The following NMU variants were observed in gnomAD, a reference collection of about 807,000 sequenced individuals.
The protein encoded by NMU is neuromedin U, also known as neuromedin-U.
Under a neutral mutation model 35.4 loss-of-function variants are expected in NMU, and 29 were observed. The ratio of observed to expected loss-of-function variants is 0.82; its 90% CI spans 0.61 to 1.12. The LOEUF is 1.12. NMU is among the 50% of genes most tolerant of loss of function. NMU has a pLI of 0.00. For missense variants in NMU, 199 were observed against 206.2 expected, an observed-to-expected ratio of 0.97 and a Z score of 0.21; for synonymous variants, 78 against 81.3, an observed-to-expected ratio of 0.96 and a Z score of 0.22.
At chr4:55,625,944 C>G (rs1734510890) in intron 2 of NMU, among the ~76,000 whole-genome samples, 2 of 152,068 alleles carry the variant, frequency 1.3e-5, no homozygotes, top group Non-Finnish European at 2.9e-5. Context: ...TTTCCTTCCA[C>G]TACAAGCAAA....
At chr4:55,613,989 T>C (rs1018891944) in intron 3 of NMU, among the ~76,000 whole-genome samples, 4 of 152,224 alleles carry the variant, frequency 2.6e-5, no homozygotes, top group African/African-American at 9.7e-5. Flanking sequence ...TATTACTTAT[T>C]CTTGTGAAGG....
At chr4:55,628,558 G>T (rs760594231) in intron 2 of NMU, among the ~76,000 whole-genome samples, 10 of 151,980 alleles carry the variant, frequency 6.6e-5, no homozygotes, top group Non-Finnish European at 7.4e-5. Context: ...GAGTGCAGTG[G>T]TGCCATCTCG....
At chr4:55,600,186 A>C (rs1733364352) in intron 8 of NMU, among the ~76,000 whole-genome samples, 1 of 152,148 alleles carries the variant, frequency 6.6e-6, no homozygotes, top group Non-Finnish European at 1.5e-5. Context: ...CTGAGTCAAA[A>C]ATTTTGTAAA....
chr4:55,607,171 C>A, intron 6 of NMU, 127 bp downstream of exon 6: 4 of 648,500 alleles, frequency 6.2e-6, no homozygotes, highest in South Asian at 1.9e-5. Context: ...AATTTCATTC[C>A]TTTACTCACA....
chr4:55,605,306 T>A lies in NMU; in HGVS notation c.404A>T (p.His135Leu), dbSNP rs773179532. The A allele has an allele frequency of 6.2e-7, 1 of 1,613,782 alleles. No homozygotes were observed. Among genetic ancestry groups the A allele is most frequent in the South Asian group, 1.1e-5 (1 of 91,070 alleles). The part of the protein sequence containing the change: ...HPLLQLVPHL[H>L]ERRMKRFRVD... Reference sequence around the variant, plus strand: ...TCTGAATCTCTTCATTCTTCTCTCATGCAGGTGAGGAACGAGCTGCAGCAA... The same window carrying A: ...TCTGAATCTCTTCATTCTTCTCTCAAGCAGGTGAGGAACGAGCTGCAGCAA... Residue 135 changes from histidine to leucine, a missense_variant, in exon 7 of 10, where the codon CAT becomes CTT. Transcript: ENST00000264218.
At chr4:55,636,341 T>A, upstream of NMU, 1 of 1,192,052 alleles carries the variant, frequency 8.4e-7, no homozygotes, top group African/African-American at 1.6e-5. The surrounding 1 kb of genome is among the most constrained non-coding windows in gnomAD (Gnocchi z 4.0). Flanking sequence ...CGCGCACAAG[T>A]GGGCTGGGCT....
intron 3 of NMU, among the ~76,000 whole-genome samples, chr4:55,615,869 G>A (rs1428464056): frequency 6.6e-6 from 1 of 151,982 alleles, no homozygotes; most frequent in East Asian, 1.9e-4. Context: ...ACTTATAAGT[G>A]AGAACATGCA....
At chr4:55,607,139 A>G (rs1733713512) in intron 6 of NMU, among the ~76,000 whole-genome samples, 159 bp downstream of exon 6, 1 of 152,260 alleles carries the variant, frequency 6.6e-6, no homozygotes, top group Non-Finnish European at 1.5e-5. Flanking sequence ...TATAAAATAA[A>G]TCAAATGTAT....
intron 6 of NMU, among the ~76,000 whole-genome samples, chr4:55,605,933 T>C: frequency 6.6e-6 from 1 of 152,174 alleles, no homozygotes; most frequent in East Asian, 1.9e-4. Flanking sequence ...GCCAAAGAAA[T>C]TGAAAGCACA....
intron 2 of NMU, among the ~76,000 whole-genome samples, chr4:55,625,158 T>TAATTAAAAAA (rs1734471490): frequency 3.3e-5 from 3 of 90,478 alleles, no homozygotes; most frequent in Non-Finnish European, 6.3e-5. Context: ...CCCTAAAACT[T>TAATTAAAAAA]AAAGTATAAT....
chr4:55,604,679 ATTTTTTTT>A (rs767568542), intron 7 of NMU, among the ~76,000 whole-genome samples: 12 of 47,614 alleles, frequency 2.5e-4, no homozygotes, highest in Middle Eastern at 0.026. Flanking sequence ...TGCCTGGCTA[ATTTTTTTT>A]TTTTTTTTTT....
chr4:55,633,376 A>T (rs1452006194), intron 1 of NMU, among the ~76,000 whole-genome samples: 2 of 151,944 alleles, frequency 1.3e-5, no homozygotes, highest in Admixed American at 6.6e-5. Context: ...CTATGACTGA[A>T]CCCAAACATA....
At chr4:55,624,035 G>C (rs76874900) in intron 2 of NMU, among the ~76,000 whole-genome samples, 4 of 62,042 alleles carry the variant, frequency 6.4e-5, no homozygotes, top group Non-Finnish European at 1.3e-4. Context: ...GGATTAAAGA[G>C]TTAAATGTTA....
intron 2 of NMU, among the ~76,000 whole-genome samples, 166 bp downstream of exon 2, chr4:55,630,236 G>A (rs1734702817): frequency 6.6e-6 from 1 of 151,844 alleles, no homozygotes; most frequent in African/African-American, 2.4e-5. Flanking sequence ...CAAAATTTTT[G>A]TTTCTTCTCT....
chr4:55,627,757 GTT>G (rs1734592070), intron 2 of NMU, among the ~76,000 whole-genome samples: 1 of 152,132 alleles, frequency 6.6e-6, no homozygotes, highest in Non-Finnish European at 1.5e-5. Context: ...AGTTCTAATA[GTT>G]CAAGAGCAAG....
In NMU at chr4:55,599,187, A is replaced by AAATAATAG. The variant is rs1733324614; in HGVS notation, c.490-14_490-7dup. ...GACCTTCTTCCATTCCGTGGCTGAA[A>AAATAATAG]AATAATAGATTAGAAATAAATCAGT... On this transcript the variant is annotated splice_region_variant and splice_polypyrimidine_tract_variant and intron_variant, in intron 8 of 9. Coordinates refer to ENST00000264218, the MANE Select transcript of NMU (RefSeq NM_006681.4). 1.2e-6 allele frequency: 2 copies of AAATAATAG among 1,602,296 alleles called. No individual in the cohort carries two copies. The highest frequency in any genetic ancestry group is 1.7e-6 in the Non-Finnish European group (2 of 1,169,584).
chr4:55,618,761 TCTCTCTTTC>T (rs891345971), intron 2 of NMU, among the ~76,000 whole-genome samples: 7 of 62,334 alleles, frequency 1.1e-4, no homozygotes, highest in Admixed American at 1.0e-3. Flanking sequence ...TTCTTTCTTC[TCTCTCTTTC>T]TTCTCTTTCT....
chr4:55,635,686 CA>C (rs1175351147), intron 1 of NMU, among the ~76,000 whole-genome samples: 1 of 152,240 alleles, frequency 6.6e-6, no homozygotes, highest in African/African-American at 2.4e-5. Context: ...CTTCAACCAT[CA>C]ATCTCTCCAA....
Position 55,599,117 on chromosome 4 carries a change from A to G in NMU, c.*4+25T>C, listed in dbSNP as rs726338. 3,428 of 1,493,100 alleles carry G rather than the reference A, an allele frequency of 2.3e-3. 49 individuals are homozygous for G. In the African/African-American group the frequency reaches 0.032, roughly 14 times the overall value. The allele number at this position is 1,493,100 out of a possible 1,614,324, so 92.5% of individuals were successfully genotyped here. ...GAAATGCATACTATTTTATTTATTT[A>G]TTTGTTTATTTATTTCTCACATACC... On this transcript the variant is annotated intron_variant, in intron 9 of 9. Transcript: ENST00000264218.
Sources: allele counts gnomAD v4.1 joint callset (sites outside exome capture counted in the v4.1 genomes callset), GRCh38; gene constraint gnomAD v4.1.1; non-coding constraint Gnocchi (gnomAD v3.1); transcripts MANE v1.5; gene names NCBI Gene and HGNC (gene_info 2026-07-23, HGNC 2026-07-21).